The following CLINT1 variants were observed in gnomAD, a reference collection of about 807,000 sequenced individuals.
CLINT1 encodes the protein clathrin interactor 1, also known as clathrin interacting protein localized in the trans-Golgi region.
A neutral mutation model predicts 70.4 loss-of-function variants in CLINT1; 15 were observed. The ratio of observed to expected loss-of-function variants is 0.21; its 90% CI spans 0.14 to 0.33. The LOEUF is 0.33. Ranked by LOEUF, CLINT1 falls within the 10% of genes least tolerant of loss-of-function variation. CLINT1 has a pLI of 1.00. For missense variants in CLINT1, 615 were observed against 778.1 expected, an observed-to-expected ratio of 0.79 and a Z score of 2.49; for synonymous variants, 227 against 254.7, an observed-to-expected ratio of 0.89 and a Z score of 1.04.
chr5:157,850,355 C>G (rs534400540), intron 1 of CLINT1, among the ~76,000 whole-genome samples: 1 of 152,072 alleles, frequency 6.6e-6, no homozygotes, highest in Non-Finnish European at 1.5e-5. Context: ...CAGTGGCTCA[C>G]GCCTATAATC....
chr5:157,826,568 G>A (rs908195092), intron 1 of CLINT1, among the ~76,000 whole-genome samples: 1 of 151,160 alleles, frequency 6.6e-6, no homozygotes, highest in East Asian at 1.9e-4. Context: ...CAAAGCTGGA[G>A]AACAAAGCTA....
intron 5 of CLINT1, among the ~76,000 whole-genome samples, chr5:157,811,639 G>A (rs1329439294): frequency 2.0e-5 from 3 of 152,238 alleles, no homozygotes; most frequent in East Asian, 3.9e-4. Context: ...AGGATGTGAT[G>A]CAAACACACA....
chr5:157,811,540 A>C (rs536748914), intron 5 of CLINT1, among the ~76,000 whole-genome samples: 2 of 151,950 alleles, frequency 1.3e-5, no homozygotes, highest in Non-Finnish European at 2.9e-5. Flanking sequence ...AAAAAAAAAA[A>C]AAAAGAAAAG....
Position 157,787,860 on chromosome 5 carries a change from T to C in CLINT1, c.1664A>G (p.Asn555Ser), listed in dbSNP as rs202225711. The C allele has an allele frequency of 5.5e-4, 892 of 1,613,956 alleles. 1 individual carries two copies. Among genetic ancestry groups the C allele is most frequent in the Non-Finnish European group, 7.0e-4 (829 of 1,179,868 alleles). Reference sequence around the variant, plus strand: ...CATTCCCATGGTGCCAGTCATCACATTGGGCATGCTCATAGGCATGGGTCC... The same window carrying C: ...CATTCCCATGGTGCCAGTCATCACACTGGGCATGCTCATAGGCATGGGTCC... ...IGGPMPMSMP[N>S]VMTGTMGMAP... Residue 555 changes from asparagine (N) to serine (S), a missense_variant, in exon 12 of 12, where the codon AAT becomes AGT. Coordinates refer to ENST00000411809, the MANE Select transcript of CLINT1 (RefSeq NM_014666.4).
intron 5 of CLINT1, among the ~76,000 whole-genome samples, chr5:157,810,360 G>A (rs948271418): frequency 1.1e-4 from 16 of 152,116 alleles, no homozygotes; most frequent in African/African-American, 3.9e-4. Context: ...GAATTTTCAG[G>A]GGATGGGAAA....
chr5:157,842,386 G>A (rs772087298), intron 1 of CLINT1, among the ~76,000 whole-genome samples: 1 of 152,044 alleles, frequency 6.6e-6, no homozygotes, highest in Non-Finnish European at 1.5e-5. Context: ...TCCGGGAGGC[G>A]GAGCTTGCAG....
At chr5:157,801,662 G>A (rs772890128) in intron 8 of CLINT1, among the ~76,000 whole-genome samples, 3 of 151,690 alleles carry the variant, frequency 2.0e-5, no homozygotes, top group Admixed American at 6.6e-5. Context: ...GTGAAACTCC[G>A]TCTCTACTAA....
At chr5:157,791,592 C>T in intron 10 of CLINT1, 111 bp downstream of exon 10, 1 of 948,984 alleles carries the variant, frequency 1.1e-6, no homozygotes, top group African/African-American at 1.6e-5. Flanking sequence ...CATATTCATA[C>T]ACATAAAAAG....
rs1208164212 is a variant in CLINT1, at chr5:157,857,621, AC to A, written c.41+1308del. On this transcript the variant is annotated intron_variant, in intron 1 of 11. Coordinates refer to ENST00000411809, the MANE Select transcript of CLINT1 (RefSeq NM_014666.4). ...AATCCCTTAACCCTTAAGCCTCACA[AC>A]AACATTCTAAGGTAGGTATCGTTGC... 7.9e-5 allele frequency among the ~76,000 whole-genome samples: 12 copies of A among 152,308 alleles called. No individual in the cohort carries two copies. The East Asian group carries it at 2.3e-3, about 29-fold the overall frequency.
chr5:157,827,684 G>C (rs1256483389), intron 1 of CLINT1, among the ~76,000 whole-genome samples: 1 of 152,148 alleles, frequency 6.6e-6, no homozygotes, highest in Non-Finnish European at 1.5e-5. Flanking sequence ...ATGACCTGTG[G>C]GAGGAAGAAA....
chr5:157,792,922 G>A (rs113228549), intron 9 of CLINT1, among the ~76,000 whole-genome samples: 1 of 152,168 alleles, frequency 6.6e-6, no homozygotes, highest in African/African-American at 2.4e-5. Context: ...TACCTTCCAA[G>A]TTAATTAACA....
In CLINT1 at chr5:157,849,988, G is replaced by T. The variant is rs112987412; in HGVS notation, c.41+8942C>A. The stretch of plus-strand genomic sequence containing the variant: ...GCAGGAGATGAATACATGTAACAGA[G>T]GAAGGCAAGCACAGAAAAAAATAGT... On this transcript the variant is annotated intron_variant, in intron 1 of 11. Transcript: ENST00000411809. Among the ~76,000 whole-genome samples the T allele has an allele frequency of 7.2e-3, 1,091 of 152,278 alleles. 13 individuals are homozygous for T. Among genetic ancestry groups the T allele is most frequent in the African/African-American group, 0.025 (1,044 of 41,544 alleles).
intron 1 of CLINT1, among the ~76,000 whole-genome samples, chr5:157,826,205 T>C (rs1299589708): frequency 1.3e-5 from 2 of 152,108 alleles, no homozygotes; most frequent in African/African-American, 4.8e-5. Flanking sequence ...AAAATGGAAA[T>C]GTCTGTACAG....
At chr5:157,811,352 G>A (rs978823013) in intron 5 of CLINT1, among the ~76,000 whole-genome samples, 3 of 151,990 alleles carry the variant, frequency 2.0e-5, no homozygotes, top group Non-Finnish European at 2.9e-5. Context: ...GACCAGCCTG[G>A]CCAACATGGC....
intron 10 of CLINT1, chr5:157,790,674 A>G: frequency 2.2e-6 from 1 of 454,652 alleles, no homozygotes; most frequent in South Asian, 1.6e-5. Flanking sequence ...ATGAGTAATT[A>G]GCATCATAAA....
intron 9 of CLINT1, among the ~76,000 whole-genome samples, chr5:157,792,765 CT>C (rs1258860306): frequency 6.6e-6 from 1 of 152,200 alleles, no homozygotes; most frequent in East Asian, 1.9e-4. Context: ...AATCCATACT[CT>C]TAATCACTAC....
At chr5:157,810,502 T>A (rs559621820) in intron 5 of CLINT1, among the ~76,000 whole-genome samples, 104 of 152,164 alleles carry the variant, frequency 6.8e-4, no homozygotes, top group Non-Finnish European at 1.3e-3. Flanking sequence ...TCCAAACATA[T>A]GCTGAGACTG....
Position 157,786,588 on chromosome 5 carries a change from C to G in CLINT1, c.*1058G>C, listed in dbSNP as rs1436618733. 1 of 152,510 alleles carries G rather than the reference C, an allele frequency of 6.6e-6. No individual in the cohort carries two copies. Among genetic ancestry groups the G allele is most frequent in the Non-Finnish European group, 1.5e-5 (1 of 67,996 alleles). 9.4% of individuals were successfully genotyped at this position (152,510 alleles called of 1,614,324 possible). ...AAATCAATAAAATCTTTGACTGCTA[C>G]AGGTCTCCTTTAACAATATATATTT... On this transcript the variant is annotated 3_prime_UTR_variant, in exon 12 of 12. Transcript: ENST00000411809.
intron 1 of CLINT1, chr5:157,823,833 G>A: frequency 3.7e-6 from 1 of 269,064 alleles, no homozygotes; most frequent in Non-Finnish European, 5.7e-6. Context: ...GACATGAGCA[G>A]TGGCGAGCGA....
Sources: allele counts gnomAD v4.1 joint callset (sites outside exome capture counted in the v4.1 genomes callset), GRCh38; gene constraint gnomAD v4.1.1; transcripts MANE v1.5; gene names NCBI Gene and HGNC (gene_info 2026-07-23, HGNC 2026-07-21).